Variants in ST6GAL2 observed in about 807,000 individuals in gnomAD.
The protein encoded by ST6GAL2 is ST6 beta-galactoside alpha-2,6-sialyltransferase 2, also known as beta-galactoside alpha-2,6-sialyltransferase 2.
In ST6GAL2, 24 loss-of-function variants were observed where a neutral mutation model predicts 37.5. The ratio of observed to expected loss-of-function variants is 0.64; its 90% confidence interval spans 0.46 to 0.90. The LOEUF (loss-of-function observed/expected upper bound fraction) is 0.90. ST6GAL2 is among the 40% of genes least tolerant of loss of function. ST6GAL2 has a pLI of 0.00. For synonymous variants in ST6GAL2, 306 were observed against 295.1 expected (o/e 1.04, Z -0.38); for missense variants, 715 against 712.7 (o/e 1.00, Z -0.04).
chr2:106,875,496 T>C (rs532720049), intron 1 of ST6GAL2, among the ~76,000 whole-genome samples: 6 of 152,332 alleles, frequency 3.9e-5, no homozygotes, highest in Admixed American at 1.3e-4. Flanking sequence ...TTTTTCTTTA[T>C]ATTCCTTTGA....
chr2:106,886,841 C>T (rs1231187478), upstream of ST6GAL2: 1 of 152,012 alleles, frequency 6.6e-6, no homozygotes, highest in Non-Finnish European at 1.5e-5. Context: ...TGGCTGCGCG[C>T]GGATTTCTGC....
intron 2 of ST6GAL2, among the ~76,000 whole-genome samples, chr2:106,836,524 T>A (rs182706268): frequency 6.6e-6 from 1 of 152,182 alleles, no homozygotes; most frequent in African/African-American, 2.4e-5. Flanking sequence ...TGTATAATAT[T>A]GTACAATGAT....
At chr2:106,823,569 C>G (rs2104447006) in intron 5 of ST6GAL2, among the ~76,000 whole-genome samples, 1 of 150,494 alleles carries the variant, frequency 6.6e-6, no homozygotes, top group African/African-American at 2.4e-5. Context: ...GATGTATGAG[C>G]CATCAAAGAG....
At chr2:106,832,369 T>C (rs948017530) in intron 4 of ST6GAL2, among the ~76,000 whole-genome samples, 196 bp downstream of exon 4, 2 of 152,248 alleles carry the variant, frequency 1.3e-5, no homozygotes, top group African/African-American at 2.4e-5. Context: ...AAAAGCACTT[T>C]GGCATTAGAT....
intron 1 of ST6GAL2, among the ~76,000 whole-genome samples, chr2:106,864,540 TA>T (rs1677944177): frequency 6.6e-6 from 1 of 152,226 alleles, no homozygotes; most frequent in Non-Finnish European, 1.5e-5. Flanking sequence ...AAGGCAAAGA[TA>T]ATAAGCATTT....
At chr2:106,807,006 GT>G in intron 5 of ST6GAL2, 57 bp from the exon 6 acceptor site, 1 of 1,469,854 alleles carries the variant, frequency 6.8e-7, no homozygotes, top group South Asian at 1.3e-5. Context: ...AGAGGGATGA[GT>G]TTTTTGGGGG....
At chr2:106,870,011 T>A (rs1035879244) in intron 1 of ST6GAL2, among the ~76,000 whole-genome samples, 6 of 152,122 alleles carry the variant, frequency 3.9e-5, no homozygotes, top group Admixed American at 3.3e-4. Flanking sequence ...CCAACACAAC[T>A]AATGAAGGTG....
At chr2:106,815,952 T>C (rs13388051) in intron 5 of ST6GAL2, among the ~76,000 whole-genome samples, 32,974 of 152,070 alleles carry the variant, frequency 0.22, 4,137 homozygotes, top group East Asian at 0.49. Flanking sequence ...GGGAACACCA[T>C]GCACTGTGCT....
intron 5 of ST6GAL2, among the ~76,000 whole-genome samples, chr2:106,822,326 A>G (rs187953065): frequency 7.9e-4 from 121 of 152,316 alleles, no homozygotes; most frequent in African/African-American, 2.8e-3. Context: ...TACAAAATCA[A>G]CATACAAAAA....
At chr2:106,858,967 TG>T (rs2104573837) in intron 1 of ST6GAL2, among the ~76,000 whole-genome samples, 1 of 152,118 alleles carries the variant, frequency 6.6e-6, no homozygotes, top group East Asian at 1.9e-4. Context: ...TGTGCAGGCA[TG>T]GGAGTGGGGG....
intron 5 of ST6GAL2, among the ~76,000 whole-genome samples, chr2:106,812,655 T>C (rs761802776): frequency 2.6e-5 from 4 of 152,200 alleles, no homozygotes; most frequent in Non-Finnish European, 5.9e-5. Flanking sequence ...AAGCTGGCGG[T>C]GTTGTCTTTT....
At chr2:106,864,361 C>T (rs1677935703) in intron 1 of ST6GAL2, among the ~76,000 whole-genome samples, 1 of 152,200 alleles carries the variant, frequency 6.6e-6, no homozygotes, top group Admixed American at 6.5e-5. Flanking sequence ...CTATTCCTCC[C>T]TGGGTAGAAC....
In ST6GAL2 at chr2:106,884,938, TAC is replaced by T. The variant is rs1553430039; in HGVS notation, c.-58+1153_-58+1154del. Among the ~76,000 whole-genome samples, 1,202 of 123,664 alleles carry T rather than the reference TAC, an allele frequency of 9.7e-3. 28 individuals carry two copies. The highest frequency in any genetic ancestry group is 0.016 in the Middle Eastern group (4 of 252). 81.1% of individuals were successfully genotyped at this position (123,664 alleles called of 152,430 possible). ...ATATATATATATATATATATATACATACACACACACACATATATACATATGTG... is the reference window on the plus strand; with the variant it reads ...ATATATATATATATATATATATACATACACACACACATATATACATATGTG... On this transcript the variant is annotated intron_variant, in intron 1 of 5. Coordinates refer to ENST00000409382, the MANE Select transcript of ST6GAL2 (RefSeq NM_001142351.2).
At position 106,834,134 on chromosome 2, in the gene ST6GAL2, G is replaced by A. The variant is rs139517922; in HGVS notation, c.956C>T (p.Ala319Val). The A allele has an allele frequency of 6.3e-5, 102 of 1,612,014 alleles. 2 individuals are homozygous for A. In the Middle Eastern group the frequency reaches 9.9e-4, roughly 16 times the overall value. ...SLGEEIDSHD[A>V]VLRFNSAPTR... ...AGGAGCAGAGTTAAATCTCAAAACC[G>A]CATCATGAGAATCTAAGGGCACATA... Residue 319 changes from alanine (A) to valine (V), a missense_variant, in exon 3 of 6, where the codon GCG becomes GTG. Physicochemically the swap from Ala to Val is moderately conservative, Grantham distance 64. Transcript: ENST00000409382.
At chr2:106,829,851 C>T (rs991601665) in intron 5 of ST6GAL2, among the ~76,000 whole-genome samples, 2 of 151,820 alleles carry the variant, frequency 1.3e-5, no homozygotes, top group African/African-American at 4.8e-5. Flanking sequence ...CTCATTGAAG[C>T]ATTTTGGATT....
chr2:106,842,217 C>A (rs763923203), intron 2 of ST6GAL2, among the ~76,000 whole-genome samples: 1 of 152,206 alleles, frequency 6.6e-6, no homozygotes, highest in Non-Finnish European at 1.5e-5. Context: ...TAAAATAAAT[C>A]TGTCTCTGTA....
intron 2 of ST6GAL2, chr2:106,834,692 A>G (rs1452336906): frequency 6.5e-6 from 1 of 152,754 alleles, no homozygotes; most frequent in Non-Finnish European, 1.5e-5. Context: ...GCAGCCTTAC[A>G]TACTGCTGCC....
In ST6GAL2 at chr2:106,830,047, T is replaced by G; in HGVS notation, c.1318+19A>C. 1.9e-6 allele frequency: 3 copies of G among 1,611,988 alleles called. No homozygotes were observed. Among genetic ancestry groups the G allele is most frequent in the Non-Finnish European group, 2.5e-6 (3 of 1,178,726 alleles). On this transcript the variant is annotated intron_variant, in intron 5 of 5. Coordinates refer to ENST00000409382, the MANE Select transcript of ST6GAL2 (RefSeq NM_001142351.2). ...CCTGTCTGCCCCCCAATCATTCCAA[T>G]TTTTAACATAACACCTACCAATGAA...
chr2:106,876,351 T>C (rs1386079908), intron 1 of ST6GAL2, among the ~76,000 whole-genome samples: 4 of 152,200 alleles, frequency 2.6e-5, no homozygotes, highest in East Asian at 1.9e-4. Flanking sequence ...TCTTCTGTTA[T>C]AGCAATCCTG....
Sources: gnomAD v4.1 joint callset for allele counts (sites outside exome capture counted in the v4.1 genomes callset) on GRCh38, gnomAD v4.1.1 for gene constraint, MANE v1.5 for transcripts, NCBI Gene and HGNC (gene_info 2026-07-23, HGNC 2026-07-21) for gene names.